Variants in PRIM2 observed in about 807,000 individuals in gnomAD.
The protein encoded by PRIM2 is DNA primase subunit 2.
PRIM2 carries 39 observed loss-of-function variants against 67.3 expected under a neutral mutation model. The ratio of observed to expected loss-of-function variants is 0.58; its 90% CI spans 0.45 to 0.76. The LOEUF is 0.76. PRIM2 is among the 30% of genes least tolerant of loss of function. The probability of loss-of-function intolerance (pLI) is 0.00; values close to 1 mark genes in which losing one functional copy is unlikely to be tolerated. For synonymous variants in PRIM2, 143 were observed against 198.7 expected (o/e 0.72, Z 2.36); for missense variants, 398 against 598.7 (o/e 0.66, Z 3.50).
At chr6:57,517,640 A>ATT (rs1243457187) in intron 8 of PRIM2, among the ~76,000 whole-genome samples, 88 of 152,196 alleles carry the variant, frequency 5.8e-4, no homozygotes, top group Non-Finnish European at 2.2e-4. Flanking sequence ...ATAATTACAT[A>ATT]TTTTTAAAAA....
intron 7 of PRIM2, among the ~76,000 whole-genome samples, chr6:57,457,264 G>C (rs1172088937): frequency 6.6e-6 from 1 of 152,210 alleles, no homozygotes; most frequent in Non-Finnish European, 1.5e-5. Context: ...CAGTCTTTCT[G>C]TTCTCAGATC....
intron 7 of PRIM2, among the ~76,000 whole-genome samples, chr6:57,388,585 T>C (rs545321001): frequency 6.6e-6 from 1 of 152,270 alleles, no homozygotes; most frequent in Admixed American, 6.5e-5. Context: ...CCATTATCAC[T>C]CTCTGAGGCT....
chr6:57,451,939 C>A (rs1772567784), intron 7 of PRIM2, among the ~76,000 whole-genome samples: 1 of 132,938 alleles, frequency 7.5e-6, no homozygotes, highest in African/African-American at 2.7e-5. Context: ...CCCCTCCCCT[C>A]ACCCCACAAC....
intron 7 of PRIM2, among the ~76,000 whole-genome samples, chr6:57,455,900 G>C (rs1219829484): frequency 6.6e-6 from 1 of 152,148 alleles, no homozygotes; most frequent in African/African-American, 2.4e-5. Context: ...TTTACAATTT[G>C]GCATGTTTTT....
At chr6:57,467,416 G>C (rs1773231108) in intron 7 of PRIM2, among the ~76,000 whole-genome samples, 1 of 152,110 alleles carries the variant, frequency 6.6e-6, no homozygotes, top group Non-Finnish European at 1.5e-5. Context: ...TGTCAGGTTT[G>C]TCAAAGCTGA....
intron 7 of PRIM2, among the ~76,000 whole-genome samples, chr6:57,392,541 C>G (rs1295304244): frequency 2.6e-5 from 4 of 151,542 alleles, no homozygotes; most frequent in Non-Finnish European, 4.4e-5. Flanking sequence ...AAAATTAGGT[C>G]TCAAATAAAA....
chr6:57,280,430 T>TAACA, the PRIM2 span, among the ~76,000 whole-genome samples: 1 of 152,190 alleles, frequency 6.6e-6, no homozygotes, highest in South Asian at 2.1e-4. Flanking sequence ...AATTTTAGAC[T>TAACA]AACAGAAGAG....
intron 7 of PRIM2, among the ~76,000 whole-genome samples, chr6:57,416,966 T>C (rs1340778185): frequency 5.6e-5 from 6 of 108,016 alleles, no homozygotes. Flanking sequence ...ACTTTCTTCT[T>C]TTTTTCTTTT....
intron 7 of PRIM2, among the ~76,000 whole-genome samples, chr6:57,505,803 T>A (rs1774239224): frequency 6.6e-6 from 1 of 152,318 alleles, no homozygotes; most frequent in East Asian, 1.9e-4. Context: ...GTTACTGAGT[T>A]GTTTTTTGTT....
At chr6:57,578,290 T>C (rs1775999185) in intron 10 of PRIM2, among the ~76,000 whole-genome samples, 1 of 152,228 alleles carries the variant, frequency 6.6e-6, no homozygotes, top group African/African-American at 2.4e-5. Flanking sequence ...AGAGTTACTA[T>C]GTTCTCCTCA....
intron 5 of PRIM2, among the ~76,000 whole-genome samples, chr6:57,371,986 G>T (rs62417988): frequency 4.6e-5 from 7 of 152,196 alleles, no homozygotes; most frequent in African/African-American, 1.7e-4. Flanking sequence ...TAGCAAATAC[G>T]AAAGCAAAAT....
chr6:57,322,167 A>G (rs1767682814), intron 3 of PRIM2, among the ~76,000 whole-genome samples: 1 of 152,210 alleles, frequency 6.6e-6, no homozygotes, highest in Non-Finnish European at 1.5e-5. Context: ...GAGAAGATAT[A>G]CAAGCACACA....
At chr6:57,465,396 C>T (rs1393621354) in intron 7 of PRIM2, among the ~76,000 whole-genome samples, 1 of 152,158 alleles carries the variant, frequency 6.6e-6, no homozygotes, top group Non-Finnish European at 1.5e-5. Context: ...ACTGGGTTTC[C>T]AGACAGGACT....
intron 6 of PRIM2, 167 bp from the exon 7 acceptor site, chr6:57,381,864 G>C (rs1198283602): frequency 2.9e-6 from 1 of 343,088 alleles, no homozygotes; most frequent in African/African-American, 2.2e-5. Context: ...TACTGCCACT[G>C]TTTGCTAATG....
rs1248421972 is a variant in PRIM2, at chr6:57,611,698, C to A, written c.1230+5241C>A. On this transcript the variant is annotated intron_variant, in intron 12 of 13. Coordinates refer to ENST00000615550, the MANE Select transcript of PRIM2 (RefSeq NM_000947.5). ...ATGTGAAACTTACAAAAGAAAACAG[C>A]ATATCTGCAGGACCTTGGGTTTGGT... 1.4e-3 allele frequency among the ~76,000 whole-genome samples: 208 copies of A among 152,178 alleles called. 5 individuals are homozygous for A. The East Asian group carries it at 0.019, about 14-fold the overall frequency.
In PRIM2 at chr6:57,346,880, C is replaced by T. The variant is rs147061071; in HGVS notation, c.459+20835C>T. Among the ~76,000 whole-genome samples the T allele has an allele frequency of 1.8e-3, 267 of 152,176 alleles. 1 individual carries two copies. The highest frequency in any genetic ancestry group is 0.01 in the Middle Eastern group (3 of 294). ...TTACAAAGGGAGGAGGAAGTAGTTG[C>T]GTAACAAATCCATTTGGTCCAGGCC... On this transcript the variant is annotated intron_variant, in intron 5 of 13. Coordinates refer to ENST00000615550, the MANE Select transcript of PRIM2 (RefSeq NM_000947.5).
the PRIM2 span, among the ~76,000 whole-genome samples, chr6:57,266,846 T>C: frequency 6.6e-6 from 1 of 152,194 alleles, no homozygotes; most frequent in African/African-American, 2.4e-5. Context: ...GTGGAGTGGG[T>C]ATCTTAACGT....
intron 7 of PRIM2, among the ~76,000 whole-genome samples, chr6:57,442,578 T>C (rs1772234868): frequency 6.6e-6 from 1 of 152,104 alleles, no homozygotes; most frequent in Non-Finnish European, 1.5e-5. Context: ...ATCCTCCTTT[T>C]GTCACCTAAT....
chr6:57,484,759 A>G (rs1159823611), intron 7 of PRIM2, among the ~76,000 whole-genome samples: 4 of 151,960 alleles, frequency 2.6e-5, no homozygotes, highest in African/African-American at 9.7e-5. Flanking sequence ...ACCTTTATTC[A>G]GGTCTGTTTC....
Sources: allele counts gnomAD v4.1 joint callset (sites outside exome capture counted in the v4.1 genomes callset), GRCh38; gene constraint gnomAD v4.1.1; transcripts MANE v1.5; gene names NCBI Gene and HGNC (gene_info 2026-07-23, HGNC 2026-07-21).